Variants in PDE1C observed in about 807,000 individuals in gnomAD.
The protein encoded by PDE1C is dual specificity calcium/calmodulin-dependent 3',5'-cyclic nucleotide phosphodiesterase 1C.
Under a neutral mutation model 93.1 loss-of-function variants are expected in PDE1C, and 62 were observed. That is an observed-to-expected ratio of 0.67 (90% CI 0.54 to 0.82). The LOEUF (loss-of-function observed/expected upper bound fraction) is 0.82. Among genes scored for constraint, PDE1C ranks in the 40% least tolerant of loss-of-function variants. PDE1C has a pLI of 0.00. For missense variants in PDE1C, 742 were observed against 884.6 expected (o/e 0.84, Z 2.04); for synonymous variants, 325 against 310.1 (o/e 1.05, Z -0.50).
chr7:32,298,799 C>A, exon 1 of PDE1C: 1 of 1,533,322 alleles, frequency 6.5e-7, no homozygotes, highest in South Asian at 1.2e-5. Context: ...CCCCCCACGG[C>A]GGAGTGAGCA....
chr7:31,690,650 A>C, the PDE1C span, among the ~76,000 whole-genome samples: 1 of 152,250 alleles, frequency 6.6e-6, no homozygotes, highest in Non-Finnish European at 1.5e-5. Context: ...TTCAAACTAA[A>C]TAACCTGCTA....
chr7:31,701,913 A>C, the PDE1C span, among the ~76,000 whole-genome samples: 1 of 152,234 alleles, frequency 6.6e-6, no homozygotes, highest in East Asian at 1.9e-4. Flanking sequence ...TTTATGTGCA[A>C]TGGGAAACCA....
chr7:32,203,917 C>T (rs1283615954), intron 2 of PDE1C, among the ~76,000 whole-genome samples: 1 of 152,160 alleles, frequency 6.6e-6, no homozygotes, highest in Non-Finnish European at 1.5e-5. Context: ...GCAACCTTGG[C>T]ATACAGTTTT....
chr7:32,311,086 A>G (rs1393883878), intron 1 of PDE1C, among the ~76,000 whole-genome samples: 2 of 152,246 alleles, frequency 1.3e-5, no homozygotes, highest in Admixed American at 6.5e-5. Context: ...CACCGATCCC[A>G]CAGAAATACA....
At chr7:32,085,952 G>T (rs1004727382) in intron 3 of PDE1C, among the ~76,000 whole-genome samples, 3 of 150,982 alleles carry the variant, frequency 2.0e-5, no homozygotes, top group Admixed American at 1.3e-4. Flanking sequence ...ACAAGACAGG[G>T]ATGCCCTCTC....
chr7:31,840,339 T>C (rs571067117), intron 9 of PDE1C, among the ~76,000 whole-genome samples: 3 of 152,344 alleles, frequency 2.0e-5, no homozygotes, highest in East Asian at 1.9e-4. Flanking sequence ...TATTGAGTTA[T>C]AAAAGTACCT....
chr7:31,891,235 C>T (rs1389242521), intron 2 of PDE1C, among the ~76,000 whole-genome samples: 3 of 152,056 alleles, frequency 2.0e-5, no homozygotes, highest in Non-Finnish European at 4.4e-5. Flanking sequence ...TCCAATTGTC[C>T]AGAAGCCATA....
At chr7:31,889,526 T>C (rs1798369086) in intron 2 of PDE1C, among the ~76,000 whole-genome samples, 1 of 152,232 alleles carries the variant, frequency 6.6e-6, no homozygotes, top group African/African-American at 2.4e-5. Context: ...TTGGTTGCCA[T>C]GGATTTTCTG....
intron 9 of PDE1C, among the ~76,000 whole-genome samples, chr7:31,842,938 T>C (rs911086291): frequency 6.6e-6 from 1 of 151,954 alleles, no homozygotes; most frequent in African/African-American, 2.4e-5. Flanking sequence ...TGCATTTTCA[T>C]TCTTGATAAA....
At chr7:31,792,509 A>G (rs1784703368) in intron 16 of PDE1C, among the ~76,000 whole-genome samples, 2 of 152,078 alleles carry the variant, frequency 1.3e-5, no homozygotes, top group African/African-American at 2.4e-5. Context: ...CCAATTATAT[A>G]TTTTATTCAA....
At chr7:32,252,138 C>T (rs1809438627) in intron 1 of PDE1C, among the ~76,000 whole-genome samples, 1 of 152,236 alleles carries the variant, frequency 6.6e-6, no homozygotes, top group African/African-American at 2.4e-5. Context: ...GTCTCCTCCT[C>T]TCTGACCTGC....
intron 1 of PDE1C, among the ~76,000 whole-genome samples, chr7:32,320,852 G>C (rs215629): frequency 0.62 from 94,911 of 152,064 alleles, 30,382 homozygotes; most frequent in Admixed American, 0.73. Flanking sequence ...ATTGTCACCA[G>C]AGCTGCATCT....
At chr7:31,859,422 GAATAT>G (rs1167529550) in intron 7 of PDE1C, among the ~76,000 whole-genome samples, 1 of 144,984 alleles carries the variant, frequency 6.9e-6, no homozygotes, top group African/African-American at 2.5e-5. Context: ...ATATAATATA[GAATAT>G]ATTATATATC....
chr7:32,312,307 T>C (rs1783064032), intron 1 of PDE1C, among the ~76,000 whole-genome samples: 1 of 151,612 alleles, frequency 6.6e-6, no homozygotes, highest in African/African-American at 2.4e-5. Context: ...GAAGAATCAA[T>C]ATCGTGAAAA....
chr7:32,173,345 A>T (rs1802774061), intron 2 of PDE1C, among the ~76,000 whole-genome samples: 1 of 151,824 alleles, frequency 6.6e-6, no homozygotes, highest in African/African-American at 2.4e-5. Flanking sequence ...AGAACAACAC[A>T]CACCAGAGCC....
intron 17 of PDE1C, among the ~76,000 whole-genome samples, chr7:31,763,988 T>A (rs1035755058): frequency 6.7e-6 from 1 of 148,432 alleles, no homozygotes; most frequent in South Asian, 2.1e-4. Context: ...ATATATTATA[T>A]ATATTTTTAT....
At chr7:31,620,937 G>A in the PDE1C span, among the ~76,000 whole-genome samples, 1 of 152,034 alleles carries the variant, frequency 6.6e-6, no homozygotes, top group African/African-American at 2.4e-5. Context: ...TGAAAGCCAA[G>A]GCTCAAGAAC....
At chr7:32,353,796 A>G (rs1361938500) in intron 1 of PDE1C, among the ~76,000 whole-genome samples, 3 of 152,220 alleles carry the variant, frequency 2.0e-5, no homozygotes, top group Non-Finnish European at 4.4e-5. Context: ...TCTCTTTTTC[A>G]TATTTGTCTT....
intron 17 of PDE1C, among the ~76,000 whole-genome samples, chr7:31,767,767 A>G (rs567790340): frequency 6.6e-6 from 1 of 152,298 alleles, no homozygotes; most frequent in African/African-American, 2.4e-5. Context: ...GTTGGCTTCC[A>G]GGGAGGGCCC....
Sources: allele counts gnomAD v4.1 joint callset (sites outside exome capture counted in the v4.1 genomes callset), GRCh38; gene constraint gnomAD v4.1.1; transcripts MANE v1.5; gene names NCBI Gene and HGNC (gene_info 2026-07-23, HGNC 2026-07-21).